The following NWD1 variants were observed in gnomAD, a reference collection of about 807,000 sequenced individuals.
NWD1 encodes NACHT domain- and WD repeat-containing protein 1.
Under a neutral mutation model 135.1 loss-of-function variants are expected in NWD1, and 129 were observed. That is an observed-to-expected ratio of 0.96 (90% CI 0.83 to 1.11). The LOEUF is 1.11. NWD1 is among the 50% of genes least tolerant of loss of function. The probability of loss-of-function intolerance (pLI) is 0.00; values close to 1 mark genes in which losing one functional copy is unlikely to be tolerated. For synonymous variants in NWD1, 773 were observed against 786.0 expected, an observed-to-expected ratio of 0.98 and a Z score of 0.28; for missense variants, 1,740 against 1,851.3, an observed-to-expected ratio of 0.94 and a Z score of 1.10.
At chr19:16,740,642 ATTTTTTT>A (rs1162769783) in intron 4 of NWD1, among the ~76,000 whole-genome samples, 25 of 112,948 alleles carry the variant, frequency 2.2e-4, no homozygotes, top group African/African-American at 6.9e-4. Context: ...CCAGACTTCT[ATTTTTTT>A]TTTTTTTTTT....
rs706763 is a variant in NWD1 at position 16,749,581 on chromosome 19, C to A, written c.939C>A (p.Cys313Ter). Reference protein sequence around the residue: ...WQSSEVIQTFCGRQELLARLG... With the variant: ...WQSSEVIQTF ...GCTCGGAGGTCATTCAGACCTTCTG[C>A]GGACGCCAGGAACTCCTGGCCCGGC... The change falls in exon 6 of 19, where the codon TGC becomes TGA. Residue 313 changes from cysteine to a stop codon, truncating the protein, a stop_gained. Transcript: ENST00000524140. LOFTEE classifies it high-confidence loss of function. The A allele has an allele frequency of 6.2e-7, 1 of 1,612,986 alleles. No individual in the cohort carries two copies. The highest frequency in any genetic ancestry group is 1.7e-5 in the Admixed American group (1 of 60,000).
At chr19:16,776,569 CA>C (rs112573511) in intron 11 of NWD1, among the ~76,000 whole-genome samples, 1,512 of 102,916 alleles carry the variant, frequency 0.015, 15 homozygotes, top group African/African-American at 0.037. Flanking sequence ...CTCCGTCTCA[CA>C]AAAAAAAAAA....
chr19:16,769,864 G>T (rs1010976916), intron 10 of NWD1, among the ~76,000 whole-genome samples: 1 of 152,080 alleles, frequency 6.6e-6, no homozygotes, highest in East Asian at 1.9e-4. Context: ...TAGAGACAAA[G>T]TCTTGCCCTG....
intron 16 of NWD1, among the ~76,000 whole-genome samples, chr19:16,799,667 T>C (rs571894777): frequency 0.077 from 11,759 of 152,050 alleles, 668 homozygotes; most frequent in African/African-American, 0.15. Flanking sequence ...CCACCAAGCC[T>C]GGCTAATTTT....
At chr19:16,723,292 A>G (rs1481007526) in intron 1 of NWD1, among the ~76,000 whole-genome samples, 1 of 152,102 alleles carries the variant, frequency 6.6e-6, no homozygotes, top group Non-Finnish European at 1.5e-5. Context: ...TCTGCCTCCC[A>G]GGCTCAAGTG....
In NWD1 at chr19:16,789,089, A is replaced by G. The variant is rs761113256; in HGVS notation, c.2839A>G (p.Thr947Ala). ...CTTACTCTCTGGCCAGGAGAAATTT[A>G]CCATTTGGGATGGAGGCTCAAAAAA... ...WNLLSGQEKF[T>A]IWDGGSKNPA... The change falls in exon 13 of 19, where the codon ACC becomes GCC. Residue 947 changes from threonine to alanine, a missense_variant. Transcript: ENST00000524140. 6.2e-7 allele frequency: 1 copy of G among 1,613,806 alleles called. No individual in the cohort carries two copies. The highest frequency in any genetic ancestry group is 8.5e-7 in the Non-Finnish European group (1 of 1,179,848).
intron 3 of NWD1, among the ~76,000 whole-genome samples, chr19:16,736,355 G>A (rs1278259404): frequency 1.3e-5 from 2 of 151,800 alleles, no homozygotes; most frequent in South Asian, 2.1e-4. Context: ...TCAGCCTCCC[G>A]AGTAGCTGGG....
At chr19:16,797,663 T>G (rs1188351502) in intron 15 of NWD1, 69 bp from the exon 16 acceptor site, 9 of 1,452,092 alleles carry the variant, frequency 6.2e-6, no homozygotes, top group African/African-American at 1.4e-5. Context: ...AACACCTCTG[T>G]TGATGGAAGG....
rs1336892753 is a variant in NWD1, at chr19:16,807,606, G to C, written c.3757G>C (p.Asp1253His). The C allele has an allele frequency of 6.6e-7, 1 of 1,525,502 alleles. No homozygotes were observed. The allele number at this position is 1,525,502 out of a possible 1,614,324, so 94.5% of individuals were successfully genotyped here. ...LAEGEEQDSL[D>H]TSSEIRCLEV... ...GGCAGGCGAGGAACAAGATTCCCTGGACACCTCCAGTGAGATCAGGTGTCT... is the reference window on the plus strand; with the variant it reads ...GGCAGGCGAGGAACAAGATTCCCTGCACACCTCCAGTGAGATCAGGTGTCT... The change falls in exon 18 of 19, where the codon GAC becomes CAC. Residue 1253 changes from aspartate to histidine, a missense_variant. By Grantham distance (81) the Asp-to-His change is moderately conservative (BLOSUM62 -1). Coordinates refer to ENST00000524140, the MANE Select transcript of NWD1 (RefSeq NM_001007525.5).
intron 6 of NWD1, among the ~76,000 whole-genome samples, chr19:16,755,728 G>A (rs1434262573): frequency 1.7e-5 from 2 of 116,930 alleles, no homozygotes; most frequent in Admixed American, 9.6e-5. Flanking sequence ...AGTAGAGATG[G>A]GGTCTCACTA....
Position 16,749,664 on chromosome 19 carries a change from G to A in NWD1, c.1022G>A (p.Gly341Glu), listed in dbSNP as rs1477146348. The A allele has an allele frequency of 6.2e-7, 1 of 1,600,552 alleles. No individual in the cohort carries two copies. Among genetic ancestry groups the A allele is most frequent in the Non-Finnish European group, 8.5e-7 (1 of 1,171,240 alleles). ...CAGCACACCCCCCTGGTACTCTTTG[G>A]GCCCCCAGGCATTGGAAAGACAGCC... Reference protein sequence around the residue: ...SKQHTPLVLFGPPGIGKTALM... With the variant: ...SKQHTPLVLFEPPGIGKTALM... The change falls in exon 6 of 19, where the codon GGG becomes GAG. Residue 341 changes from glycine (G) to glutamate (E), a missense_variant. Gly to Glu is a moderately conservative substitution (Grantham distance 98). Transcript: ENST00000524140.
At chr19:16,746,879 C>T (rs2122786346) in intron 5 of NWD1, among the ~76,000 whole-genome samples, 1 of 152,126 alleles carries the variant, frequency 6.6e-6, no homozygotes, top group Admixed American at 6.6e-5. Flanking sequence ...TCATCATCTT[C>T]ACCTTGAGTA....
Position 16,809,151 on chromosome 19 carries a change from G to A in NWD1, c.4287+1015G>A, listed in dbSNP as rs777668760. Among the ~76,000 whole-genome samples the A allele has an allele frequency of 3.4e-4, 51 of 151,576 alleles. 1 individual carries two copies. Among genetic ancestry groups the A allele is most frequent in the Non-Finnish European group, 6.8e-4 (46 of 67,856 alleles). ...GTCACCCAGGCTGGAATGCAGTGGC[G>A]CCATCTCAGCTCACTGCAGCCTCCC... is the stretch of plus-strand genomic sequence containing the variant. On this transcript the variant is annotated intron_variant, in intron 18 of 18. Coordinates refer to ENST00000524140, the MANE Select transcript of NWD1 (RefSeq NM_001007525.5).
intron 5 of NWD1, among the ~76,000 whole-genome samples, chr19:16,747,349 A>T (rs1159390285): frequency 8.5e-5 from 4 of 46,832 alleles, no homozygotes; most frequent in Non-Finnish European, 1.2e-4. Flanking sequence ...TTTTCTTTTT[A>T]TTTATTTATT....
chr19:16,782,881 T>G (rs1969903695), intron 12 of NWD1, among the ~76,000 whole-genome samples: 1 of 151,676 alleles, frequency 6.6e-6, no homozygotes, highest in South Asian at 2.1e-4. Flanking sequence ...TCTTTCTTTC[T>G]TTCTCTTTCT....
intron 17 of NWD1, among the ~76,000 whole-genome samples, chr19:16,803,775 ATT>A (rs1568394077): frequency 6.7e-6 from 1 of 149,724 alleles, no homozygotes; most frequent in Non-Finnish European, 1.5e-5. Flanking sequence ...AAAAAAAAAA[ATT>A]ATCTGGGCGT....
intron 6 of NWD1, among the ~76,000 whole-genome samples, chr19:16,758,835 C>G (rs1968892077): frequency 6.6e-6 from 1 of 151,816 alleles, no homozygotes; most frequent in African/African-American, 2.4e-5. Flanking sequence ...TGGTGAAACC[C>G]CGTCTCTACT....
chr19:16,753,790 C>T (rs1250735685), intron 6 of NWD1, among the ~76,000 whole-genome samples: 3 of 152,006 alleles, frequency 2.0e-5, no homozygotes, highest in African/African-American at 7.3e-5. Context: ...TCCATTCATC[C>T]ATCCATCAAT....
chr19:16,746,803 G>A (rs891124007), intron 5 of NWD1, among the ~76,000 whole-genome samples: 6 of 152,052 alleles, frequency 3.9e-5, no homozygotes, highest in African/African-American at 1.2e-4. Context: ...AAAATCACAA[G>A]GAAGAGAAAA....
Sources: allele counts gnomAD v4.1 joint callset (sites outside exome capture counted in the v4.1 genomes callset), GRCh38; gene constraint gnomAD v4.1.1; transcripts MANE v1.5; gene names NCBI Gene and HGNC (gene_info 2026-07-23, HGNC 2026-07-21).